Variants in ATOSA observed in about 807,000 individuals in gnomAD.
The protein encoded by ATOSA is atos homolog protein A.
chr15:52,627,848 C>T, the ATOSA span, among the ~76,000 whole-genome samples: 1 of 152,214 alleles, frequency 6.6e-6, no homozygotes, highest in Non-Finnish European at 1.5e-5. Flanking sequence ...ATTTATAATG[C>T]CACTTAATAG....
the ATOSA span, among the ~76,000 whole-genome samples, chr15:52,599,445 T>C: frequency 6.6e-6 from 1 of 152,204 alleles, no homozygotes; most frequent in African/African-American, 2.4e-5. Flanking sequence ...AAATGGTTAA[T>C]ATATCAAAAC....
the ATOSA span, among the ~76,000 whole-genome samples, chr15:52,669,847 T>A: frequency 6.6e-6 from 1 of 152,146 alleles, no homozygotes; most frequent in African/African-American, 2.4e-5. Flanking sequence ...AAATTCTGGG[T>A]CATGGAAGCA....
the ATOSA span, among the ~76,000 whole-genome samples, chr15:52,628,259 A>C: frequency 6.6e-6 from 1 of 152,236 alleles, no homozygotes; most frequent in South Asian, 2.1e-4. Flanking sequence ...TTTAAGACTA[A>C]TAGTATTTTA....
chr15:52,696,524 C>A, the ATOSA span, among the ~76,000 whole-genome samples: 9 of 152,238 alleles, frequency 5.9e-5, no homozygotes, highest in Non-Finnish European at 8.8e-5. Context: ...GGTCTGTGAC[C>A]TAGTGAATTC....
the ATOSA span, among the ~76,000 whole-genome samples, chr15:52,707,189 A>G: frequency 6.6e-6 from 1 of 152,242 alleles, no homozygotes. Context: ...TGAACCAAGA[A>G]TGGATGCTAA....
the ATOSA span, among the ~76,000 whole-genome samples, chr15:52,691,607 G>A: frequency 6.6e-6 from 1 of 152,108 alleles, no homozygotes; most frequent in Non-Finnish European, 1.5e-5. Flanking sequence ...GGCTGAGGTG[G>A]GAGAGTAGCT....
chr15:52,706,995 T>C, the ATOSA span, among the ~76,000 whole-genome samples: 1 of 152,160 alleles, frequency 6.6e-6, no homozygotes, highest in South Asian at 2.1e-4. Context: ...CTGACTATAC[T>C]AAAAACCACT....
the ATOSA span, among the ~76,000 whole-genome samples, chr15:52,691,583 G>A: frequency 4.6e-5 from 7 of 152,240 alleles, no homozygotes; most frequent in Admixed American, 3.9e-4. Context: ...CTAAGAAACT[G>A]AAAAGATTTG....
the ATOSA span, among the ~76,000 whole-genome samples, chr15:52,633,820 T>C: frequency 6.6e-6 from 1 of 152,124 alleles, no homozygotes; most frequent in African/African-American, 2.4e-5. Context: ...TAGGTAAATA[T>C]AATTTTTTCT....
chr15:52,687,950 T>G, the ATOSA span, among the ~76,000 whole-genome samples: 436 of 152,322 alleles, frequency 2.9e-3, 1 homozygote, highest in African/African-American at 0.01. Flanking sequence ...CTATTTCCTC[T>G]GTTGTTGTCT....
chr15:52,641,741 T>TATAA, the ATOSA span, among the ~76,000 whole-genome samples: 1 of 152,240 alleles, frequency 6.6e-6, no homozygotes, highest in Non-Finnish European at 1.5e-5. Context: ...ATCACCTTGC[T>TATAA]ATAAGGTTGG....
the ATOSA span, among the ~76,000 whole-genome samples, chr15:52,618,047 C>CTT: frequency 6.9e-4 from 103 of 148,928 alleles, no homozygotes; most frequent in African/African-American, 1.8e-3. Flanking sequence ...TCAATTTTTC[C>CTT]TTTTTTTTTG....
chr15:52,629,890 A>G, the ATOSA span, among the ~76,000 whole-genome samples: 13 of 152,206 alleles, frequency 8.5e-5, no homozygotes, highest in Admixed American at 8.5e-4. Flanking sequence ...TTGGGGAAGC[A>G]GCAGGGAGAA....
the ATOSA span, among the ~76,000 whole-genome samples, chr15:52,606,610 T>A: frequency 1.3e-5 from 2 of 152,166 alleles, no homozygotes; most frequent in African/African-American, 4.8e-5. Flanking sequence ...TGAACCTTAG[T>A]GGGCTTGAAA....
At chr15:52,679,782 C>T in the ATOSA span, among the ~76,000 whole-genome samples, 1 of 118,284 alleles carries the variant, frequency 8.5e-6, no homozygotes, top group South Asian at 3.2e-4. Context: ...TCCTCCTCCT[C>T]CTCCTCCTCC....
the ATOSA span, chr15:52,587,636 A>G: frequency 6.5e-6 from 1 of 152,746 alleles, no homozygotes; most frequent in Non-Finnish European, 1.5e-5. Context: ...GGCCAAAAAT[A>G]AAGTCAATTC....
the ATOSA span, among the ~76,000 whole-genome samples, chr15:52,601,552 C>T: frequency 2.7e-5 from 4 of 150,172 alleles, no homozygotes; most frequent in South Asian, 2.1e-4. Context: ...AAAAGAAAAC[C>T]GAATAGAGAT....
chr15:52,593,739 G>A, the ATOSA span: 1 of 1,518,838 alleles, frequency 6.6e-7, no homozygotes, highest in Non-Finnish European at 8.8e-7. Context: ...ACAGATTCCT[G>A]GAAGACAAAA....
the ATOSA span, chr15:52,609,457 A>C: frequency 6.2e-7 from 1 of 1,613,692 alleles, no homozygotes; most frequent in South Asian, 1.1e-5. Flanking sequence ...AATCCTTGCA[A>C]TAACATCTTG....
Sources: gnomAD v4.1 joint callset for allele counts (sites outside exome capture counted in the v4.1 genomes callset) on GRCh38, gnomAD v4.1.1 for gene constraint, MANE v1.5 for transcripts, NCBI Gene and HGNC (gene_info 2026-07-23, HGNC 2026-07-21) for gene names.